The following CA13 variants were observed in gnomAD, a reference collection of about 807,000 sequenced individuals.
CA13 encodes the protein carbonic anhydrase 13, also known as CA-XIII.
CA13 carries 21 observed loss-of-function variants against 31.5 expected under a neutral mutation model. The observed-to-expected ratio is 0.67, with a 90% CI of 0.47 to 0.96. The LOEUF is 0.96. CA13 is among the 40% of genes least tolerant of loss of function. The pLI is 0.00. For missense variants in CA13, 315 were observed against 318.9 expected (o/e 0.99, Z 0.09); for synonymous variants, 117 against 111.4 (o/e 1.05, Z -0.32).
chr8:85,256,000 T>C (rs886139978), intron 2 of CA13, among the ~76,000 whole-genome samples: 1 of 149,988 alleles, frequency 6.7e-6, no homozygotes, highest in African/African-American at 2.5e-5. Context: ...GCCTGGCACA[T>C]GGTAGGTGCT....
intron 1 of CA13, among the ~76,000 whole-genome samples, chr8:85,249,036 T>G (rs913099997): frequency 2.0e-5 from 3 of 152,246 alleles, no homozygotes; most frequent in African/African-American, 4.8e-5. Flanking sequence ...AAGCAAGGAC[T>G]TCTGATGCTC....
chr8:85,247,602 C>T (rs1188399668), intron 1 of CA13, among the ~76,000 whole-genome samples: 1 of 152,000 alleles, frequency 6.6e-6, no homozygotes, highest in Non-Finnish European at 1.5e-5. Flanking sequence ...ATGAGTCTTG[C>T]TCTGTTGCCC....
chr8:85,250,953 T>C lies in CA13; in HGVS notation c.235+16T>C. On this transcript the variant is annotated intron_variant, in intron 2 of 6. Coordinates refer to ENST00000321764, the MANE Select transcript of CA13 (RefSeq NM_198584.3). ...AACAAATCAGGTTGGCTTTTCTTTT[T>C]TTGTGTGTGTGGTGGTGGATGAAGG... 1.2e-6 allele frequency: 2 copies of C among 1,604,720 alleles called. No homozygotes were observed. Among genetic ancestry groups the C allele is most frequent in the Non-Finnish European group, 1.7e-6 (2 of 1,171,506 alleles).
At chr8:85,246,251 T>G (rs1034874397) in intron 1 of CA13, 1 of 462,636 alleles carries the variant, frequency 2.2e-6, no homozygotes, top group African/African-American at 2.0e-5. Context: ...AAGTTCGCTT[T>G]CAGTCTTTTA....
intron 6 of CA13, among the ~76,000 whole-genome samples, chr8:85,272,726 G>GGGCAATTT (rs1249594997): frequency 1.3e-5 from 2 of 152,066 alleles, no homozygotes; most frequent in African/African-American, 2.4e-5. Flanking sequence ...ACTTTTGTGT[G>GGGCAATTT]GACACATTTT....
intron 6 of CA13, among the ~76,000 whole-genome samples, chr8:85,275,982 C>A (rs1354229053): frequency 1.3e-5 from 2 of 152,252 alleles, no homozygotes; most frequent in Non-Finnish European, 2.9e-5. Context: ...AGCCCTTCAG[C>A]CCGCCGCTGC....
At chr8:85,249,510 AG>A (rs1243279954) in intron 1 of CA13, among the ~76,000 whole-genome samples, 11 of 151,598 alleles carry the variant, frequency 7.3e-5, no homozygotes, top group Admixed American at 6.6e-4. Context: ...AAAAAAAAAA[AG>A]ATTTAGAATT....
chr8:85,265,357 C>G (rs1332401742), intron 3 of CA13, among the ~76,000 whole-genome samples: 1 of 152,194 alleles, frequency 6.6e-6, no homozygotes, highest in East Asian at 1.9e-4. Context: ...GGAAGACTCC[C>G]CCAAAGTGGT....
intron 1 of CA13, among the ~76,000 whole-genome samples, chr8:85,247,341 G>C (rs895349677): frequency 1.3e-5 from 2 of 152,134 alleles, no homozygotes; most frequent in Non-Finnish European, 2.9e-5. Context: ...TTATTCACCT[G>C]AATGAAGCTT....
intron 6 of CA13, among the ~76,000 whole-genome samples, chr8:85,269,862 C>T (rs1330277687): frequency 6.6e-6 from 1 of 152,196 alleles, no homozygotes; most frequent in Non-Finnish European, 1.5e-5. Context: ...GTGCATGCCA[C>T]CATGCCTGGC....
At chr8:85,247,889 G>GTT (rs1235197337) in intron 1 of CA13, among the ~76,000 whole-genome samples, 3 of 119,120 alleles carry the variant, frequency 2.5e-5, no homozygotes, top group Non-Finnish European at 3.5e-5. Flanking sequence ...CAAGTTTTTT[G>GTT]TTTTTTTTTT....
chr8:85,260,843 T>G (rs928163925), intron 3 of CA13, among the ~76,000 whole-genome samples: 4 of 152,254 alleles, frequency 2.6e-5, no homozygotes, highest in African/African-American at 9.6e-5. Context: ...AACTAATTAT[T>G]GGTTGCTTTG....
intron 3 of CA13, among the ~76,000 whole-genome samples, chr8:85,265,425 G>A (rs542328903): frequency 1.3e-5 from 2 of 152,280 alleles, no homozygotes; most frequent in Admixed American, 6.5e-5. Flanking sequence ...TCGAGATACC[G>A]TATTGCTTGC....
Position 85,251,392 on chromosome 8 carries a change from T to G in CA13, c.235+455T>G, listed in dbSNP as rs115128212. ...TTTCTTCGTGTGAATTAAGATATCT[T>G]GTTATATATTTGAACCTTCAGATAA... On this transcript the variant is annotated intron_variant, in intron 2 of 6. Coordinates refer to ENST00000321764, the MANE Select transcript of CA13 (RefSeq NM_198584.3). 8.1e-3 allele frequency among the ~76,000 whole-genome samples: 1,237 copies of G among 152,346 alleles called. 21 individuals are homozygous for G. Among genetic ancestry groups the G allele is most frequent in the African/African-American group, 0.028 (1,184 of 41,582 alleles).
At chr8:85,247,470 C>G in intron 1 of CA13, among the ~76,000 whole-genome samples, 1 of 152,168 alleles carries the variant, frequency 6.6e-6, no homozygotes, top group Admixed American at 6.5e-5. Flanking sequence ...TGCGATCTCT[C>G]TCTGAAGACC....
At chr8:85,257,973 A>G (rs1166792110) in intron 2 of CA13, among the ~76,000 whole-genome samples, 3 of 148,134 alleles carry the variant, frequency 2.0e-5, no homozygotes, top group Admixed American at 6.8e-5. Context: ...GATATTAAAT[A>G]TCAAATATAT....
chr8:85,270,886 T>C (rs1807518579), intron 6 of CA13, among the ~76,000 whole-genome samples: 2 of 152,210 alleles, frequency 1.3e-5, no homozygotes, highest in Admixed American at 1.3e-4. Flanking sequence ...CTACTTTGTC[T>C]TATTTGAGGC....
chr8:85,248,877 T>A (rs1402654113), intron 1 of CA13, among the ~76,000 whole-genome samples: 1 of 152,158 alleles, frequency 6.6e-6, no homozygotes, highest in Non-Finnish European at 1.5e-5. Flanking sequence ...GAAATTGAAT[T>A]TTCGTTAGGT....
chr8:85,267,282 G>A lies in CA13; in HGVS notation c.450+579G>A, dbSNP rs756631871. 3.9e-4 allele frequency: 387 copies of A among 985,864 alleles called. 2 individuals are homozygous for A. The Middle Eastern group carries it at 5.7e-3, about 15-fold the overall frequency. 61.1% of individuals were successfully genotyped at this position (985,864 alleles called of 1,614,324 possible). A position where few individuals can be genotyped will look rare whatever the true frequency, so the allele number is the denominator to read the frequency against. On this transcript the variant is annotated intron_variant, in intron 4 of 6. Coordinates refer to ENST00000321764, the MANE Select transcript of CA13 (RefSeq NM_198584.3). ...AACTCATGAACAGAGAATGCTTCAC[G>A]GATGGCAACAATTCCTTGCCTTTGG...
Sources: allele counts gnomAD v4.1 joint callset (sites outside exome capture counted in the v4.1 genomes callset), GRCh38; gene constraint gnomAD v4.1.1; transcripts MANE v1.5; gene names NCBI Gene and HGNC (gene_info 2026-07-23, HGNC 2026-07-21).